The following TMPRSS12 variants were observed in gnomAD, a reference collection of about 807,000 sequenced individuals.
TMPRSS12 encodes the protein transmembrane protease serine 12.
In TMPRSS12, 25 loss-of-function variants were observed where a neutral mutation model predicts 26.0. The ratio of observed to expected loss-of-function variants is 0.96; its 90% CI spans 0.70 to 1.34. TMPRSS12 has a LOEUF of 1.34. Among genes scored for constraint, TMPRSS12 ranks in the 40% most tolerant of loss-of-function variants. The pLI is 0.00. For missense variants in TMPRSS12, 441 were observed against 440.1 expected (o/e 1.00, Z -0.02); for synonymous variants, 150 against 161.7 (o/e 0.93, Z 0.55).
intron 3 of TMPRSS12, among the ~76,000 whole-genome samples, chr12:50,878,749 C>G (rs541924119): frequency 2.0e-5 from 3 of 152,156 alleles, no homozygotes; most frequent in East Asian, 3.9e-4. Flanking sequence ...GATATCCTTA[C>G]GCCGCGAAAA....
At chr12:50,851,407 T>C (rs1218341854) in intron 2 of TMPRSS12, among the ~76,000 whole-genome samples, 1 of 152,080 alleles carries the variant, frequency 6.6e-6, no homozygotes, top group African/African-American at 2.4e-5. Flanking sequence ...AAGAATTTAA[T>C]AATACAATTA....
rs755081902 is a variant in TMPRSS12, at chr12:50,858,931, T to TA, written c.537dup (p.Ala180SerfsTer5). The TA allele has an allele frequency of 6.3e-6, 10 of 1,587,860 alleles. No homozygotes were observed. The Admixed American group carries it at 7.2e-5, about 11-fold the overall frequency. On this transcript the variant is annotated frameshift_variant, in exon 3 of 5. Coordinates refer to ENST00000398458, the MANE Select transcript of TMPRSS12 (RefSeq NM_182559.3). LOFTEE classifies it high-confidence loss of function. ...GTAAATGATATTGCACTTTTTCACT[T>TA]AAAAAAAGCAGTGAGGTATAATGAC...
At position 50,887,417 on chromosome 12, in the gene TMPRSS12, C is replaced by T. The variant is rs1380090746; in HGVS notation, c.951C>T (p.Phe317=). ...ACCAAAAGTGGCTGACAGAGCATTT[C>T]TTCCATGCAAGCACTCAAGGCATAC... is the stretch of plus-strand genomic sequence containing the variant. ...SFYQKWLTEH[F]FHASTQGILT... The change falls in exon 5 of 5, where the codon TTC becomes TTT. Residue 317 remains phenylalanine, a synonymous_variant. Transcript: ENST00000398458. 1 of 1,613,920 alleles carries T rather than the reference C, an allele frequency of 6.2e-7. No homozygotes were observed.
intron 3 of TMPRSS12, among the ~76,000 whole-genome samples, chr12:50,880,308 T>C (rs970264448): frequency 2.6e-5 from 4 of 152,192 alleles, no homozygotes; most frequent in African/African-American, 9.6e-5. Context: ...GAGGGTCACT[T>C]GAGCCTAGGA....
Position 50,868,283 on chromosome 12 carries a change from A to G in TMPRSS12, c.652+9230A>G, listed in dbSNP as rs534425603. 3.3e-5 allele frequency among the ~76,000 whole-genome samples: 5 copies of G among 152,332 alleles called. No homozygotes were observed. In the South Asian group the frequency reaches 1.0e-3, roughly 32 times the overall value. On this transcript the variant is annotated intron_variant, in intron 3 of 4. Coordinates refer to ENST00000398458, the MANE Select transcript of TMPRSS12 (RefSeq NM_182559.3). ...AACACATAAGGACTTGCATAAACTT[A>G]AAGTAAAGGAGTGGAAAAAGGCATT...
chr12:50,872,519 C>CAAA (rs778372099), intron 3 of TMPRSS12, among the ~76,000 whole-genome samples: 4 of 39,836 alleles, frequency 1.0e-4, no homozygotes, highest in African/African-American at 3.7e-4. Context: ...GACTCCGTCT[C>CAAA]AAAAAAAAAA....
At chr12:50,858,130 CT>C (rs1340956638) in intron 2 of TMPRSS12, among the ~76,000 whole-genome samples, 1 of 152,242 alleles carries the variant, frequency 6.6e-6, no homozygotes, top group Non-Finnish European at 1.5e-5. Context: ...GCGTGAGCCA[CT>C]GCACCCAGCC....
At chr12:50,867,371 A>G (rs1404291306) in intron 3 of TMPRSS12, among the ~76,000 whole-genome samples, 1 of 152,220 alleles carries the variant, frequency 6.6e-6, no homozygotes, top group Non-Finnish European at 1.5e-5. Flanking sequence ...GAGCAAATAG[A>G]AGAAAGAAAT....
At chr12:50,868,947 G>T (rs1312150107) in intron 3 of TMPRSS12, among the ~76,000 whole-genome samples, 3 of 152,164 alleles carry the variant, frequency 2.0e-5, no homozygotes, top group African/African-American at 7.2e-5. Context: ...TCTTCAAACT[G>T]AATGACAATA....
At chr12:50,855,516 A>G (rs1199202037) in intron 2 of TMPRSS12, among the ~76,000 whole-genome samples, 3 of 152,238 alleles carry the variant, frequency 2.0e-5, no homozygotes, top group African/African-American at 7.2e-5. Context: ...ATACTATCCC[A>G]CACCAGTCAG....
At chr12:50,886,632 T>G (rs780410681) in intron 4 of TMPRSS12, 3 of 152,270 alleles carry the variant, frequency 2.0e-5, no homozygotes, top group Non-Finnish European at 2.9e-5. Context: ...CTTGTTGTTT[T>G]CAGTGCATTA....
At chr12:50,849,098 C>T (rs919096674) in intron 2 of TMPRSS12, among the ~76,000 whole-genome samples, 1 of 152,192 alleles carries the variant, frequency 6.6e-6, no homozygotes, top group African/African-American at 2.4e-5. Context: ...TAAGCTCAAG[C>T]TATTTTCCTA....
At chr12:50,866,152 A>ATTTAGAAGG (rs1392566254) in intron 3 of TMPRSS12, among the ~76,000 whole-genome samples, 56 of 152,184 alleles carry the variant, frequency 3.7e-4, no homozygotes, top group Non-Finnish European at 7.1e-4. Context: ...ATCCCAAGAC[A>ATTTAGAAGG]ACCCACAGAC....
intron 4 of TMPRSS12, 173 bp downstream of exon 4, chr12:50,885,561 A>T (rs1185312243): frequency 2.5e-6 from 2 of 810,866 alleles, no homozygotes; most frequent in Non-Finnish European, 4.0e-6. Flanking sequence ...TCCTGATTCC[A>T]TGGTTTCTGC....
Position 50,843,164 on chromosome 12 carries a change from C to G in TMPRSS12, c.187+13C>G. 1 of 1,543,888 alleles carries G rather than the reference C, an allele frequency of 6.5e-7. No homozygotes were observed. On this transcript the variant is annotated intron_variant, in intron 1 of 4. Transcript: ENST00000398458. ...GCGCATGCAGAGGGCAGTACCTGTT[C>G]GTGCCTGTCTCTGGGGAGCCTCTCT...
chr12:50,857,955 A>C (rs974368626), intron 2 of TMPRSS12, among the ~76,000 whole-genome samples: 1 of 151,928 alleles, frequency 6.6e-6, no homozygotes, highest in Admixed American at 6.6e-5. Flanking sequence ...CAGCCTCCCG[A>C]GTAGCTGGAA....
At chr12:50,857,089 A>C (rs565571913) in intron 2 of TMPRSS12, among the ~76,000 whole-genome samples, 1 of 152,334 alleles carries the variant, frequency 6.6e-6, no homozygotes, top group African/African-American at 2.4e-5. Context: ...AATTTTTTTT[A>C]CATAGTTTTC....
intron 3 of TMPRSS12, among the ~76,000 whole-genome samples, chr12:50,862,684 C>A (rs2139727131): frequency 6.6e-6 from 1 of 152,154 alleles, no homozygotes; most frequent in South Asian, 2.1e-4. Context: ...TACCACCACG[C>A]CCAGTTAATT....
At chr12:50,871,228 G>C (rs774413577) in intron 3 of TMPRSS12, among the ~76,000 whole-genome samples, 1 of 152,128 alleles carries the variant, frequency 6.6e-6, no homozygotes, top group African/African-American at 2.4e-5. Context: ...CAAACAGCAT[G>C]GTACTGGTAT....
Sources: gnomAD v4.1 joint callset for allele counts (sites outside exome capture counted in the v4.1 genomes callset) on GRCh38, gnomAD v4.1.1 for gene constraint, MANE v1.5 for transcripts, NCBI Gene and HGNC (gene_info 2026-07-23, HGNC 2026-07-21) for gene names.